RBFOX2: variants seen among roughly 807,000 people sequenced by gnomAD.
RBFOX2 encodes RNA binding fox-1 homolog 2, also known as RNA binding protein fox-1 homolog 2.
Under a neutral mutation model 49.1 loss-of-function variants are expected in RBFOX2, and 10 were observed. The ratio of observed to expected loss-of-function variants is 0.20; its 90% CI spans 0.13 to 0.35. RBFOX2 has a LOEUF of 0.35. Among genes scored for constraint, RBFOX2 ranks in the 10% least tolerant of loss-of-function variants. The pLI, the probability that RBFOX2 is intolerant of heterozygous loss-of-function variation, is 1.00. For synonymous variants in RBFOX2, 183 were observed against 187.4 expected (o/e 0.98, Z 0.19); for missense variants, 323 against 486.9 (o/e 0.66, Z 3.17).
At chr22:35,809,118 C>T (rs1951323141) in intron 2 of RBFOX2, among the ~76,000 whole-genome samples, 1 of 150,230 alleles carries the variant, frequency 6.7e-6, no homozygotes, top group African/African-American at 2.5e-5. Context: ...AACAGTAATA[C>T]CGGAAATAAG....
At chr22:35,819,763 A>G (rs1399443292) in intron 1 of RBFOX2, among the ~76,000 whole-genome samples, 2 of 152,258 alleles carry the variant, frequency 1.3e-5, no homozygotes, top group African/African-American at 4.8e-5. Context: ...GAGACAAATA[A>G]TAAATTGGCA....
intron 1 of RBFOX2, among the ~76,000 whole-genome samples, chr22:35,827,175 C>T (rs1463910997): frequency 1.3e-5 from 2 of 152,142 alleles, no homozygotes; most frequent in Non-Finnish European, 2.9e-5. Flanking sequence ...CTAAATATTG[C>T]TTATTGAGGT....
At chr22:35,969,156 G>C (rs888022608) in intron 1 of RBFOX2, among the ~76,000 whole-genome samples, 4 of 152,102 alleles carry the variant, frequency 2.6e-5, no homozygotes. Context: ...AAGATAAAAA[G>C]AGGTACCTGC....
At chr22:36,011,202 C>A (rs1277193027) in intron 1 of RBFOX2, among the ~76,000 whole-genome samples, 1 of 152,078 alleles carries the variant, frequency 6.6e-6, no homozygotes, top group Non-Finnish European at 1.5e-5. Flanking sequence ...CCCACCAGTG[C>A]AAAAAAGACC....
At chr22:35,773,441 T>C (rs1037814523) in intron 4 of RBFOX2, among the ~76,000 whole-genome samples, 3 of 152,076 alleles carry the variant, frequency 2.0e-5, no homozygotes, top group Admixed American at 2.0e-4. Flanking sequence ...AGAATGTTCC[T>C]AGCATAAAGA....
chr22:35,854,498 G>C (rs2042295832), intron 1 of RBFOX2, among the ~76,000 whole-genome samples: 1 of 151,870 alleles, frequency 6.6e-6, no homozygotes. Context: ...GGAGGCTGAG[G>C]TGGGAGAATC....
chr22:35,757,852 G>C (rs1055429275), intron 9 of RBFOX2, among the ~76,000 whole-genome samples: 1 of 152,148 alleles, frequency 6.6e-6, no homozygotes, highest in African/African-American at 2.4e-5. Context: ...AAAGCACTGA[G>C]ACCAAGTGGT....
intron 2 of RBFOX2, among the ~76,000 whole-genome samples, chr22:35,782,837 A>T (rs1945485100): frequency 6.6e-6 from 1 of 152,176 alleles, no homozygotes; most frequent in Admixed American, 6.5e-5. Context: ...AGTATAAATG[A>T]GTGTGGGTAT....
At chr22:35,983,577 C>T (rs2150072755) in intron 1 of RBFOX2, among the ~76,000 whole-genome samples, 1 of 152,192 alleles carries the variant, frequency 6.6e-6, no homozygotes, top group South Asian at 2.1e-4. Context: ...CATCATATCA[C>T]CACATTTTGC....
intron 6 of RBFOX2, among the ~76,000 whole-genome samples, chr22:35,762,392 T>C (rs1939210276): frequency 6.6e-6 from 1 of 152,080 alleles, no homozygotes; most frequent in Non-Finnish European, 1.5e-5. Flanking sequence ...AAAAATACTC[T>C]ATATTATATA....
chr22:36,003,762 C>A (rs952241737), intron 1 of RBFOX2, among the ~76,000 whole-genome samples: 2 of 152,168 alleles, frequency 1.3e-5, no homozygotes, highest in African/African-American at 4.8e-5. Context: ...TGCCTTGGCA[C>A]ATAAATGGAG....
At chr22:35,878,039 T>TACACACAC (rs58181557) in intron 1 of RBFOX2, among the ~76,000 whole-genome samples, 138 of 141,252 alleles carry the variant, frequency 9.8e-4, no homozygotes, top group Middle Eastern at 3.4e-3. Context: ...CTACTACTAC[T>TACACACAC]ACACACACAC....
intron 9 of RBFOX2, among the ~76,000 whole-genome samples, chr22:35,753,582 C>T (rs1013805184): frequency 2.0e-5 from 3 of 151,184 alleles, no homozygotes; most frequent in Non-Finnish European, 4.4e-5. Flanking sequence ...AGCAAGATCA[C>T]TGAATTACTT....
chr22:35,952,005 T>C (rs762608328), intron 1 of RBFOX2, among the ~76,000 whole-genome samples: 2 of 152,172 alleles, frequency 1.3e-5, no homozygotes, highest in Non-Finnish European at 2.9e-5. Flanking sequence ...CTGATCAGAG[T>C]GGCTCTTATC....
intron 1 of RBFOX2, among the ~76,000 whole-genome samples, chr22:35,835,238 T>A (rs144957788): frequency 1.1e-4 from 17 of 152,130 alleles, no homozygotes; most frequent in African/African-American, 3.9e-4. Flanking sequence ...GAAGGGAACA[T>A]GTGGGATACC....
chr22:35,957,771 G>C (rs1377596690), intron 1 of RBFOX2, among the ~76,000 whole-genome samples: 1 of 152,156 alleles, frequency 6.6e-6, no homozygotes, highest in Non-Finnish European at 1.5e-5. Context: ...GATTCACTCT[G>C]TGCAATCATT....
rs537082559 is a variant in RBFOX2 at position 35,746,577 on chromosome 22, G to T, written c.888-16C>A. On this transcript the variant is annotated splice_polypyrimidine_tract_variant and intron_variant, in intron 9 of 11. Coordinates refer to ENST00000405409, the Ensembl canonical transcript of RBFOX2. ...CATATCCACCCTACAGGAGAGAAGAGAACTGACTTTACAGATACCTCTCCC... is the reference window on the plus strand; with the variant it reads ...CATATCCACCCTACAGGAGAGAAGATAACTGACTTTACAGATACCTCTCCC... 2.0e-6 allele frequency: 3 copies of T among 1,509,920 alleles called. No homozygotes were observed. Among genetic ancestry groups the T allele is most frequent in the South Asian group, 1.2e-5 (1 of 81,482 alleles). The allele number at this position is 1,509,920 out of a possible 1,614,324, so 93.5% of individuals were successfully genotyped here.
chr22:35,822,997 C>T lies in RBFOX2; in HGVS notation c.28-12993G>A, dbSNP rs571608358. ...TGCCACCACGCCTGGCTAATTTTTG[C>T]ATTTTTAGTAGAGACAGGGTTTCAC... On this transcript the variant is annotated intron_variant, in intron 1 of 11. Transcript: ENST00000405409. Among the ~76,000 whole-genome samples, 18 of 152,002 alleles carry T rather than the reference C, an allele frequency of 1.2e-4. No individual in the cohort carries two copies. In the South Asian group the frequency reaches 2.5e-3, roughly 21 times the overall value.
intron 1 of RBFOX2, among the ~76,000 whole-genome samples, chr22:36,023,838 G>C (rs1258319248): frequency 6.6e-6 from 1 of 152,104 alleles, no homozygotes; most frequent in Non-Finnish European, 1.5e-5. Context: ...TACTGCCTTT[G>C]AAAGCACCGA....
Sources: allele counts gnomAD v4.1 joint callset (sites outside exome capture counted in the v4.1 genomes callset), GRCh38; gene constraint gnomAD v4.1.1; transcripts MANE v1.5; gene names NCBI Gene and HGNC (gene_info 2026-07-23, HGNC 2026-07-21).